SCAF1: variants seen among roughly 807,000 people sequenced by gnomAD.
The protein encoded by SCAF1 is SR-related CTD associated factor 1.
SCAF1 carries 28 observed loss-of-function variants against 91.2 expected under a neutral mutation model. The ratio of observed to expected loss-of-function variants is 0.31; its 90% CI spans 0.23 to 0.42. The LOEUF is 0.42. Ranked by LOEUF, SCAF1 falls within the 10% of genes least tolerant of loss-of-function variation. SCAF1 has a pLI of 1.00. For missense variants in SCAF1, 1,893 were observed against 1,872.1 expected (o/e 1.01, Z -0.21); for synonymous variants, 1,036 against 833.7 (o/e 1.24, Z -4.18).
chr19:49,653,277 C>A lies in SCAF1; in HGVS notation c.2888C>A (p.Ser963Tyr). The A allele has an allele frequency of 6.8e-7, 1 of 1,475,276 alleles. No individual in the cohort carries two copies. Among genetic ancestry groups the A allele is most frequent in the East Asian group, 2.4e-5 (1 of 41,000 alleles). The allele number at this position is 1,475,276 out of a possible 1,614,324, so 91.4% of individuals were successfully genotyped here. The part of the protein sequence containing the change: ...AAGTKGAEET[S>Y]WSGEERAAKV... ...GGCACCAAGGGGGCGGAGGAGACTT[C>A]CTGGTCCGGGGAGGAGCGGGCAGCC... Residue 963 changes from serine (S) to tyrosine (Y), a missense_variant, in exon 7 of 11, where the codon TCC (serine) becomes TAC (tyrosine). Transcript: ENST00000360565.
In SCAF1 at chr19:49,652,514, C is replaced by G. The variant is rs1003536053; in HGVS notation, c.2125C>G (p.Arg709Gly). The G allele has an allele frequency of 6.3e-7, 1 of 1,576,632 alleles. No homozygotes were observed. The highest frequency in any genetic ancestry group is 8.6e-7 in the Non-Finnish European group (1 of 1,161,500). The change falls in exon 7 of 11, where the codon CGG (arginine) becomes GGG (glycine). Residue 709 changes from arginine (R) to glycine (G), a missense_variant. Arg to Gly is a moderately radical substitution (Grantham distance 125, BLOSUM62 -2). Around this residue, in one of 5 missense-constraint regions of SCAF1, gnomAD observed 1,436 missense variants for 1,306.8 expected, o/e 1.10. Transcript: ENST00000360565. ...CATCAAGCGGACCATCACGGTGGGCCGGCTTGACAAGTCCGACCCCCGAGG... is the reference window on the plus strand; with the variant it reads ...CATCAAGCGGACCATCACGGTGGGCGGGCTTGACAAGTCCGACCCCCGAGG... Reference protein sequence around the residue: ...FAIKRTITVGRLDKSDPRGPS... With the variant: ...FAIKRTITVGGLDKSDPRGPS...
upstream of SCAF1, among the ~76,000 whole-genome samples, chr19:49,641,694 C>T (rs1599817409): frequency 6.6e-6 from 1 of 152,248 alleles, no homozygotes; most frequent in East Asian, 1.9e-4. Context: ...AGCCATCCTT[C>T]CGCCTCAGTC....
In SCAF1 at chr19:49,652,855, G is replaced by C. The variant is rs373598676; in HGVS notation, c.2466G>C (p.Ser822=). Residue 822 remains serine (S), a synonymous_variant, in exon 7 of 11, where the codon TCG becomes TCC. Transcript: ENST00000360565. ...GCAGCGGCTCAGGCTCTTCATCCTCGTCGTCCTCCTGTTCTTCCCGGAAGG... is the reference window on the plus strand; with the variant it reads ...GCAGCGGCTCAGGCTCTTCATCCTCCTCGTCCTCCTGTTCTTCCCGGAAGG... The part of the protein sequence containing the change: ...PVSSGSGSSS[S]SSSCSSRKVK... The C allele has an allele frequency of 4.2e-5, 68 of 1,613,882 alleles. No individual in the cohort carries two copies. Among genetic ancestry groups the C allele is most frequent in the Admixed American group, 6.7e-5 (4 of 60,002 alleles).
chr19:49,643,408 G>T (rs921790361), intron 1 of SCAF1, among the ~76,000 whole-genome samples: 7 of 152,166 alleles, frequency 4.6e-5, no homozygotes, highest in Admixed American at 1.3e-4. Context: ...TACTACTTGT[G>T]CTGTGCTGTG....
At chr19:49,640,619 G>A (rs1395567529), upstream of SCAF1, among the ~76,000 whole-genome samples, 1 of 152,140 alleles carries the variant, frequency 6.6e-6, no homozygotes, top group East Asian at 1.9e-4. Context: ...TCCCTCCTGG[G>A]ATCCTAGCCA....
At chr19:49,648,394 G>A (rs569304432) in intron 6 of SCAF1, among the ~76,000 whole-genome samples, 138 of 152,174 alleles carry the variant, frequency 9.1e-4, no homozygotes, top group Non-Finnish European at 1.8e-3. Flanking sequence ...TTATGGGCGT[G>A]AGCCACCACG....
rs565863659 is a variant in SCAF1 at position 49,651,727 on chromosome 19, C to T, written c.1338C>T (p.Phe446=). 7 of 1,373,030 alleles carry T rather than the reference C, an allele frequency of 5.1e-6. No individual in the cohort carries two copies. The African/African-American group carries it at 9.3e-5, about 18-fold the overall frequency. 85.1% of individuals were successfully genotyped at this position (1,373,030 alleles called of 1,614,324 possible). Residue 446 remains phenylalanine, a synonymous_variant, in exon 7 of 11, where the codon TTC becomes TTT. Transcript: ENST00000360565. ...CGCGGGCCCCCGAGGGGGACGACTTCTTGTCCCTGCATGCGGAGTCGGACG... is the reference window on the plus strand; with the variant it reads ...CGCGGGCCCCCGAGGGGGACGACTTTTTGTCCCTGCATGCGGAGTCGGACG... ...PAPRAPEGDD[F]LSLHAESDGE... is the part of the protein sequence containing the mutation.
chr19:49,651,587 G>A lies in SCAF1; in HGVS notation c.1198G>A (p.Glu400Lys). ...CGAGGAAGGGGAGATCGTCCAGCCG[G>A]AGGAGGAGCCCAGGCTGGCGCTGTC... ...EIEEGEIVQP[E>K]EEPRLALSLF... Residue 400 changes from glutamate to lysine, a missense_variant, in exon 7 of 11, where the codon GAG (glutamate) becomes AAG (lysine). Physicochemically the swap from Glu to Lys is moderately conservative, Grantham distance 56 (BLOSUM62 1). Around this residue, in one of 5 missense-constraint regions of SCAF1, gnomAD observed 1,436 missense variants for 1,306.8 expected, o/e 1.10. Coordinates refer to ENST00000360565, the MANE Select transcript of SCAF1 (RefSeq NM_021228.3). 1 of 1,542,538 alleles carries A rather than the reference G, an allele frequency of 6.5e-7. No homozygotes were observed. Among genetic ancestry groups the A allele is most frequent in the Non-Finnish European group, 8.7e-7 (1 of 1,144,998 alleles).
rs1277968921 is a variant in SCAF1, at chr19:49,658,205, C to T, written c.3748-3C>T. ...GTGACTCCAACTGTCCCCGGCCCCC[C>T]AGATCTGCCACAGCAAAAGTGGGGA... On this transcript the variant is annotated splice_region_variant and splice_polypyrimidine_tract_variant and intron_variant, in intron 10 of 10. Coordinates refer to ENST00000360565, the MANE Select transcript of SCAF1 (RefSeq NM_021228.3). 6 of 1,610,566 alleles carry T rather than the reference C, an allele frequency of 3.7e-6. No homozygotes were observed. Among genetic ancestry groups the T allele is most frequent in the Non-Finnish European group, 5.1e-6 (6 of 1,177,632 alleles).
Position 49,645,192 on chromosome 19 carries a change from G to T in SCAF1, c.108+58G>T. 6.5e-7 allele frequency: 1 copy of T among 1,549,358 alleles called. No homozygotes were observed. Among genetic ancestry groups the T allele is most frequent in the East Asian group, 2.3e-5 (1 of 44,356 alleles). ...GGAGGAGCTGGGCATCCACACTCCA[G>T]GGGCCTGACTCCAGGGCCTGAGGCA... On this transcript the variant is annotated intron_variant, in intron 2 of 10. Transcript: ENST00000360565. This position sits in a 1 kb window ranked among gnomAD's most constrained non-coding sequence, Gnocchi z 4.6.
intron 6 of SCAF1, among the ~76,000 whole-genome samples, chr19:49,647,375 C>T (rs2081061730): frequency 6.6e-6 from 1 of 152,248 alleles, no homozygotes; most frequent in African/African-American, 2.4e-5. Flanking sequence ...TGTTACTATG[C>T]ACATCACTGG....
Position 49,652,646 on chromosome 19 carries a change from C to A in SCAF1, c.2257C>A (p.Arg753Ser). 6.4e-7 allele frequency: 1 copy of A among 1,559,818 alleles called. No homozygotes were observed. The change falls in exon 7 of 11, where the codon CGC (arginine) becomes AGC (serine). Residue 753 changes from arginine (R) to serine (S), a missense_variant. Coordinates refer to ENST00000360565, the MANE Select transcript of SCAF1 (RefSeq NM_021228.3). Reference protein sequence around the residue: ...GGKSSQKDRRRSGAASSSSSS... With the variant: ...GGKSSQKDRRSSGAASSSSSS... ...CAAGAGCAGCCAGAAGGATCGGCGC[C>A]GCTCGGGGGCCGCCTCCTCCTCCTC...
Position 49,646,581 on chromosome 19 carries a change from C to A in SCAF1, c.317C>A (p.Pro106His). The A allele has an allele frequency of 6.2e-7, 1 of 1,614,112 alleles. No homozygotes were observed. Among genetic ancestry groups the A allele is most frequent in the Non-Finnish European group, 8.5e-7 (1 of 1,180,024 alleles). Reference protein sequence around the residue: ...FLAGLVSVLDPPDTWVPSRLD... With the variant: ...FLAGLVSVLDHPDTWVPSRLD... ...GCAGGGCTGGTGAGTGTCCTGGATC[C>A]CCCGGATACCTGGGTTCCCAGCCGC... Residue 106 changes from proline (P) to histidine (H), a missense_variant, in exon 5 of 11, where the codon CCC becomes CAC. Transcript: ENST00000360565. The surrounding 1 kb of genome is among the most constrained non-coding windows in gnomAD (Gnocchi z 5.6).
Position 49,652,160 on chromosome 19 carries a change from G to C in SCAF1, c.1771G>C (p.Asp591His). Residue 591 changes from aspartate to histidine, a missense_variant, in exon 7 of 11, where the codon GAC becomes CAC. Asp to His is a moderately conservative substitution (Grantham distance 81). Coordinates refer to ENST00000360565, the MANE Select transcript of SCAF1 (RefSeq NM_021228.3). ...RSTRRRSRST[D>H]RRRGGSRRSR... ...CACCCGCCGCCGCTCGCGCAGCACCGACCGCCGCCGCGGGGGCAGCCGCAG... is the reference window on the plus strand; with the variant it reads ...CACCCGCCGCCGCTCGCGCAGCACCCACCGCCGCCGCGGGGGCAGCCGCAG... The C allele has an allele frequency of 9.0e-7, 1 of 1,108,610 alleles. No homozygotes were observed. Among genetic ancestry groups the C allele is most frequent in the South Asian group, 3.1e-5 (1 of 32,292 alleles). 68.7% of individuals were successfully genotyped at this position (1,108,610 alleles called of 1,614,324 possible).
In SCAF1 at chr19:49,646,185, G is replaced by A. The variant is rs1362646002; in HGVS notation, c.244G>A (p.Gly82Ser). 1 of 1,609,546 alleles carries A rather than the reference G, an allele frequency of 6.2e-7. No individual in the cohort carries two copies. Among genetic ancestry groups the A allele is most frequent in the Middle Eastern group, 1.7e-4 (1 of 6,050 alleles). The stretch of plus-strand genomic sequence containing the variant: ...AGAGCCCCGTTCCCAGGAATCAGGG[G>A]GCACTGACACGGCTACTGTGAGTAA... ...RSEPRSQESG[G>S]TDTATVLDMA... The change falls in exon 4 of 11, where the codon GGC becomes AGC. Residue 82 changes from glycine (G) to serine (S), a missense_variant. Around this residue, in one of 5 missense-constraint regions of SCAF1, gnomAD observed 270 missense variants for 292.5 expected, o/e 0.92. Coordinates refer to ENST00000360565, the MANE Select transcript of SCAF1 (RefSeq NM_021228.3). The surrounding 1 kb of genome is among the most constrained non-coding windows in gnomAD (Gnocchi z 5.6).
In SCAF1 at chr19:49,645,977, A is replaced by C; in HGVS notation, c.167-131A>C. The C allele has an allele frequency of 2.6e-6, 2 of 781,342 alleles. No individual in the cohort carries two copies. The highest frequency in any genetic ancestry group is 3.0e-5 in the South Asian group (2 of 67,492). 48.4% of individuals were successfully genotyped at this position (781,342 alleles called of 1,614,324 possible). ...GGGAAGTCCTCCTGGGAGGTGGCGC[A>C]TGGAGGCCTGGAGAGCATGCGGGAG... On this transcript the variant is annotated intron_variant, in intron 3 of 10. Coordinates refer to ENST00000360565, the MANE Select transcript of SCAF1 (RefSeq NM_021228.3). The surrounding 1 kb of genome is among the most constrained non-coding windows in gnomAD (Gnocchi z 4.6).
rs1026174715 is a variant in SCAF1, at chr19:49,658,476, C to T, written c.*77C>T. The T allele has an allele frequency of 3.8e-6, 3 of 791,854 alleles. No individual in the cohort carries two copies. The highest frequency in any genetic ancestry group is 6.0e-6 in the Non-Finnish European group (3 of 502,330). The allele number at this position is 791,854 out of a possible 1,614,324, so 49.1% of individuals were successfully genotyped here. On this transcript the variant is annotated 3_prime_UTR_variant, in exon 11 of 11. Coordinates refer to ENST00000360565, the MANE Select transcript of SCAF1 (RefSeq NM_021228.3). ...TATGGCTCCACCTCCCCACCTCCCT[C>T]CCCCGTCAGTGGGATGACTGGGGGA...
intron 9 of SCAF1, among the ~76,000 whole-genome samples, chr19:49,656,064 A>G (rs1424597131): frequency 6.6e-6 from 1 of 152,264 alleles, no homozygotes; most frequent in Non-Finnish European, 1.5e-5. Flanking sequence ...AAAGCTGTAT[A>G]AACCCCATTA....
At position 49,646,263 on chromosome 19, in the gene SCAF1, G is replaced by A; in HGVS notation, c.261+61G>A. 1 of 1,188,870 alleles carries A rather than the reference G, an allele frequency of 8.4e-7. No individual in the cohort carries two copies. Among genetic ancestry groups the A allele is most frequent in the Non-Finnish European group, 1.2e-6 (1 of 833,746 alleles). 73.6% of individuals were successfully genotyped at this position (1,188,870 alleles called of 1,614,324 possible). On this transcript the variant is annotated intron_variant, in intron 4 of 10. Coordinates refer to ENST00000360565, the MANE Select transcript of SCAF1 (RefSeq NM_021228.3). The surrounding 1 kb of genome is among the most constrained non-coding windows in gnomAD (Gnocchi z 5.6). Reference sequence around the variant, plus strand: ...GGGTATCAGGGAGGAAGGGATGGGGGCCTGAGTCTGGGGGAATGGGGTTTG... The same window carrying A: ...GGGTATCAGGGAGGAAGGGATGGGGACCTGAGTCTGGGGGAATGGGGTTTG...
Sources: allele counts gnomAD v4.1 joint callset (sites outside exome capture counted in the v4.1 genomes callset), GRCh38; gene constraint gnomAD v4.1.1; regional missense constraint gnomAD v4.1.1; non-coding constraint Gnocchi (gnomAD v3.1); transcripts MANE v1.5; gene names NCBI Gene and HGNC (gene_info 2026-07-23, HGNC 2026-07-21).